The following UBAP2 variants were observed in gnomAD, a reference collection of about 807,000 sequenced individuals.
UBAP2 encodes ubiquitin-associated protein 2.
A neutral mutation model predicts 139.6 loss-of-function variants in UBAP2; 75 were observed. The observed-to-expected ratio is 0.54, with a 90% confidence interval of 0.45 to 0.65. The LOEUF (loss-of-function observed/expected upper bound fraction) is 0.65, where lower values mean the gene tolerates loss of function less well. Among genes scored for constraint, UBAP2 ranks in the 30% least tolerant of loss-of-function variants. UBAP2 has a pLI of 0.00. For synonymous variants in UBAP2, 526 were observed against 526.2 expected (o/e 1.00, Z 0.01); for missense variants, 1,368 against 1,369.6 (o/e 1.00, Z 0.02).
rs1046488110 is a variant in UBAP2, at chr9:33,936,018, AAACAAC to A, written c.1930-146_1930-141del. The A allele has an allele frequency of 1.1e-5, 11 of 990,338 alleles. No homozygotes were observed. The Admixed American group carries it at 2.5e-4, about 22-fold the overall frequency. 61.3% of individuals were successfully genotyped at this position (990,338 alleles called of 1,614,324 possible). On this transcript the variant is annotated intron_variant, in intron 16 of 28. Coordinates refer to ENST00000379238, the MANE Select transcript of UBAP2 (RefSeq NM_001370062.2). ...TTCTATTTTTTAATAAAGGGAAGAT[AAACAAC>A]AAACTCTCATGCAAGAACAAAAATG... is the stretch of plus-strand genomic sequence containing the variant.
intron 6 of UBAP2, among the ~76,000 whole-genome samples, chr9:33,983,368 T>G (rs1361587569): frequency 6.6e-6 from 1 of 152,122 alleles, no homozygotes; most frequent in Non-Finnish European, 1.5e-5. Flanking sequence ...GATTTGACGA[T>G]TTCTCTAAGA....
intron 1 of UBAP2, among the ~76,000 whole-genome samples, chr9:34,022,385 T>A (rs72729327): frequency 0.13 from 19,873 of 150,408 alleles, 1,561 homozygotes; most frequent in South Asian, 0.33. Flanking sequence ...GGCAGGAAGA[T>A]CACTTAACCC....
intron 15 of UBAP2, among the ~76,000 whole-genome samples, chr9:33,942,726 T>G (rs1282601970): frequency 9.7e-6 from 1 of 103,510 alleles, no homozygotes; most frequent in Non-Finnish European, 2.2e-5. Context: ...AGACCCTATC[T>G]CAAAAAAAAA....
intron 13 of UBAP2, among the ~76,000 whole-genome samples, chr9:33,946,114 G>A (rs1350341924): frequency 1.3e-5 from 2 of 152,154 alleles, no homozygotes; most frequent in Non-Finnish European, 2.9e-5. Context: ...AAACTAAAAT[G>A]ATACAAATGT....
intron 6 of UBAP2, among the ~76,000 whole-genome samples, chr9:33,977,153 C>T (rs1238646968): frequency 6.6e-6 from 1 of 151,312 alleles, no homozygotes; most frequent in Non-Finnish European, 1.5e-5. Context: ...ATTCTCCCGC[C>T]TCAGCCTCCT....
At chr9:33,975,356 C>T (rs1455209893) in intron 6 of UBAP2, among the ~76,000 whole-genome samples, 5 of 149,682 alleles carry the variant, frequency 3.3e-5, no homozygotes, top group African/African-American at 9.8e-5. Flanking sequence ...TGCTGGAACC[C>T]GGGAGGCAGA....
At chr9:34,004,415 G>A (rs551583391) in intron 2 of UBAP2, among the ~76,000 whole-genome samples, 1 of 152,082 alleles carries the variant, frequency 6.6e-6, no homozygotes, top group African/African-American at 2.4e-5. Flanking sequence ...GCCCGAGGAG[G>A]TCAAGGTTGC....
intron 1 of UBAP2, among the ~76,000 whole-genome samples, chr9:34,026,213 T>G (rs1825388686): frequency 6.6e-6 from 1 of 152,190 alleles, no homozygotes; most frequent in African/African-American, 2.4e-5. Context: ...GAACAGTTAA[T>G]TAAATCCCAA....
intron 6 of UBAP2, among the ~76,000 whole-genome samples, chr9:33,975,438 A>AC (rs1828244156): frequency 7.0e-6 from 1 of 143,074 alleles, no homozygotes; most frequent in Non-Finnish European, 1.5e-5. Flanking sequence ...TCTTTAAAAA[A>AC]AAAAAACAAA....
rs529268054 is a variant in UBAP2, at chr9:34,023,599, C to T, written c.-41-6410G>A. Among the ~76,000 whole-genome samples the T allele has an allele frequency of 6.6e-5, 10 of 152,242 alleles. No individual in the cohort carries two copies. In the South Asian group the frequency reaches 2.1e-3, roughly 32 times the overall value. Reference sequence around the variant, plus strand: ...CGTAATTAGCCTATAAATAATGACCCGGTTGCATGGCTAAACCAGAATAGT... The same window carrying T: ...CGTAATTAGCCTATAAATAATGACCTGGTTGCATGGCTAAACCAGAATAGT... On this transcript the variant is annotated intron_variant, in intron 1 of 28. Coordinates refer to ENST00000379238, the MANE Select transcript of UBAP2 (RefSeq NM_001370062.2).
chr9:33,953,546 T>A lies in UBAP2; in HGVS notation c.867-72A>T. ...CCAACAAATGAATGTGAGAAGTCAA[T>A]CAATATATAGTGAATTTACATTAAA... On this transcript the variant is annotated intron_variant, in intron 11 of 28. Transcript: ENST00000379238. 3 of 1,445,222 alleles carry A rather than the reference T, an allele frequency of 2.1e-6. No homozygotes were observed. The East Asian group carries it at 6.9e-5, about 33-fold the overall frequency. 89.5% of individuals were successfully genotyped at this position (1,445,222 alleles called of 1,614,324 possible). A position where few individuals can be genotyped will look rare whatever the true frequency, so the allele number is the denominator to read the frequency against.
chr9:34,043,589 C>CCTCAACCTCCTGGA (rs11275736), intron 1 of UBAP2, among the ~76,000 whole-genome samples: 122,746 of 151,894 alleles, frequency 0.81, 49,720 homozygotes, highest in Middle Eastern at 0.87. Flanking sequence ...CTCACTGTGG[C>CCTCAACCTCCTGGA]CTCAAGCAAT....
chr9:33,937,839 G>A (rs200658681), intron 16 of UBAP2, among the ~76,000 whole-genome samples: 3 of 151,624 alleles, frequency 2.0e-5, no homozygotes, highest in East Asian at 3.9e-4. Context: ...GGAGAATCAC[G>A]TGAACCCAGG....
At chr9:33,980,861 G>GGCTT (rs906302600) in intron 6 of UBAP2, among the ~76,000 whole-genome samples, 3 of 150,898 alleles carry the variant, frequency 2.0e-5, no homozygotes, top group African/African-American at 7.3e-5. Flanking sequence ...GTGGGAAGAT[G>GGCTT]GCTTGAGCCT....
chr9:33,997,703 A>G (rs555370258), intron 3 of UBAP2: 1 of 152,378 alleles, frequency 6.6e-6, no homozygotes, highest in East Asian at 1.9e-4. Context: ...GATTATTGAC[A>G]GACAGAACTA....
chr9:33,951,440 G>A (rs911446758), intron 12 of UBAP2, among the ~76,000 whole-genome samples: 7 of 144,852 alleles, frequency 4.8e-5, no homozygotes, highest in African/African-American at 1.3e-4. Flanking sequence ...TCCACCTCCC[G>A]GGTTCAAGTG....
Position 33,945,509 on chromosome 9 carries a change from A to C in UBAP2, c.1271-870T>G, listed in dbSNP as rs547798211. Reference sequence around the variant, plus strand: ...ACTGGGTGACAAACAAACAAACAAAAAACAAAATCCAATAGATACAAGAAT... The same window carrying C: ...ACTGGGTGACAAACAAACAAACAAACAACAAAATCCAATAGATACAAGAAT... On this transcript the variant is annotated intron_variant, in intron 13 of 28. Transcript: ENST00000379238. 8.4e-5 allele frequency among the ~76,000 whole-genome samples: 10 copies of C among 119,448 alleles called. No homozygotes were observed. In the East Asian group the frequency reaches 2.2e-3, roughly 27 times the overall value. 78.4% of individuals were successfully genotyped at this position (119,448 alleles called of 152,430 possible). A position where few individuals can be genotyped will look rare whatever the true frequency, so the allele number is the denominator to read the frequency against.
intron 6 of UBAP2, among the ~76,000 whole-genome samples, chr9:33,985,925 G>A (rs1587615303): frequency 6.6e-6 from 1 of 151,960 alleles, no homozygotes. Flanking sequence ...AGGAGGGTAA[G>A]TAGGAGGATT....
At chr9:33,971,093 G>A (rs543469158) in intron 8 of UBAP2, among the ~76,000 whole-genome samples, 76 of 152,210 alleles carry the variant, frequency 5.0e-4, no homozygotes, top group African/African-American at 1.5e-3. Flanking sequence ...GTGAGCCACC[G>A]CGCCCAGCTA....
Sources: gnomAD v4.1 joint callset for allele counts (sites outside exome capture counted in the v4.1 genomes callset) on GRCh38, gnomAD v4.1.1 for gene constraint, MANE v1.5 for transcripts, NCBI Gene and HGNC (gene_info 2026-07-23, HGNC 2026-07-21) for gene names.